CRISPLD2: variants seen among roughly 807,000 people sequenced by gnomAD.
CRISPLD2 encodes cysteine rich secretory protein LCCL domain containing 2.
Under a neutral mutation model 71.1 loss-of-function variants are expected in CRISPLD2, and 47 were observed. The observed-to-expected ratio is 0.66, with a 90% CI of 0.52 to 0.84. The LOEUF (loss-of-function observed/expected upper bound fraction) is 0.84, where lower values mean the gene tolerates loss of function less well. Among genes scored for constraint, CRISPLD2 ranks in the 40% least tolerant of loss-of-function variants. CRISPLD2 has a pLI of 0.00. For missense variants in CRISPLD2, 830 were observed against 651.1 expected, an observed-to-expected ratio of 1.27 and a Z score of -2.99; for synonymous variants, 317 against 250.1, an observed-to-expected ratio of 1.27 and a Z score of -2.52.
chr16:84,866,042 C>G (rs1397291117), intron 6 of CRISPLD2, among the ~76,000 whole-genome samples: 1 of 152,110 alleles, frequency 6.6e-6, no homozygotes, highest in Admixed American at 6.5e-5. Context: ...GTGACCCTGA[C>G]TGGCAGGAGG....
At chr16:84,862,642 A>G (rs935106404) in intron 6 of CRISPLD2, among the ~76,000 whole-genome samples, 7 of 142,652 alleles carry the variant, frequency 4.9e-5, no homozygotes, top group Admixed American at 7.1e-5. Context: ...TGGCTGGTCC[A>G]TGGTGCTGAC....
At chr16:84,900,971 G>A (rs1035213805) in intron 14 of CRISPLD2, among the ~76,000 whole-genome samples, 20 of 150,822 alleles carry the variant, frequency 1.3e-4, no homozygotes, top group African/African-American at 4.9e-4. Context: ...TATGACTTGA[G>A]CCCAGGAGGT....
Position 84,877,435 on chromosome 16 carries a change from C to A in CRISPLD2, c.1157-3C>A. 1 of 1,613,488 alleles carries A rather than the reference C, an allele frequency of 6.2e-7. No homozygotes were observed. Among genetic ancestry groups the A allele is most frequent in the South Asian group, 1.1e-5 (1 of 91,064 alleles). ...ACCCTTTCCCCCTTGCTCCTGTTCA[C>A]AGTGCAGGATTTGGACTGCTACACG... On this transcript the variant is annotated splice_region_variant and splice_polypyrimidine_tract_variant and intron_variant, in intron 11 of 14. Transcript: ENST00000262424.
chr16:84,850,810 T>C, intron 5 of CRISPLD2, 127 bp downstream of exon 5: 1 of 709,802 alleles, frequency 1.4e-6, no homozygotes. Context: ...AATCTAGAGT[T>C]TAGTGCATCT....
At chr16:84,889,055 C>T (rs759314078) in intron 13 of CRISPLD2, among the ~76,000 whole-genome samples, 175 bp from the exon 14 acceptor site, 1 of 152,182 alleles carries the variant, frequency 6.6e-6, no homozygotes, top group Non-Finnish European at 1.5e-5. Flanking sequence ...GCATGATGTC[C>T]AGTCTCTCTG....
intron 1 of CRISPLD2, among the ~76,000 whole-genome samples, chr16:84,821,910 A>C (rs1874014): frequency 0.42 from 63,972 of 152,058 alleles, 13,800 homozygotes; most frequent in Middle Eastern, 0.51. Context: ...TGAGGCTCAG[A>C]ATTATTAAGG....
intron 14 of CRISPLD2, among the ~76,000 whole-genome samples, chr16:84,904,392 T>C (rs547491219): frequency 5.3e-5 from 8 of 152,168 alleles, no homozygotes; most frequent in South Asian, 2.1e-4. Flanking sequence ...CAGAGCAGCC[T>C]GGCCAACATG....
At chr16:84,854,622 C>A in intron 5 of CRISPLD2, 107 bp from the exon 6 acceptor site, 1 of 784,444 alleles carries the variant, frequency 1.3e-6, no homozygotes, top group Non-Finnish European at 2.3e-6. Flanking sequence ...TCCCCCCTGA[C>A]CTGTCAGTGG....
chr16:84,862,124 CCTGA>C (rs1322695236), intron 6 of CRISPLD2, among the ~76,000 whole-genome samples: 1 of 152,170 alleles, frequency 6.6e-6, no homozygotes, highest in Non-Finnish European at 1.5e-5. Context: ...CTGGTGCTCC[CCTGA>C]CTGTGCTAGA....
intron 14 of CRISPLD2, among the ~76,000 whole-genome samples, chr16:84,896,375 A>T (rs1290950946): frequency 6.6e-6 from 1 of 152,032 alleles, no homozygotes; most frequent in Non-Finnish European, 1.5e-5. Context: ...AAAAAAAAAG[A>T]CTATATATAG....
At chr16:84,844,500 C>T (rs2143193825) in intron 2 of CRISPLD2, among the ~76,000 whole-genome samples, 1 of 151,230 alleles carries the variant, frequency 6.6e-6, no homozygotes, top group South Asian at 2.1e-4. Context: ...TTTTTTGAGA[C>T]AGAGTCTTAC....
At chr16:84,823,865 C>A (rs1182688554) in intron 1 of CRISPLD2, among the ~76,000 whole-genome samples, 2 of 152,154 alleles carry the variant, frequency 1.3e-5, no homozygotes, top group African/African-American at 4.8e-5. Flanking sequence ...ATCCCAATTT[C>A]TGGAACGTGT....
chr16:84,884,632 G>A (rs972075381), intron 13 of CRISPLD2, among the ~76,000 whole-genome samples: 4 of 152,142 alleles, frequency 2.6e-5, no homozygotes, highest in Non-Finnish European at 5.9e-5. Flanking sequence ...GAGGTGTGGA[G>A]GAAGGAAGAA....
At chr16:84,846,183 TTTCC>T (rs200835730) in intron 3 of CRISPLD2, 22 of 288,414 alleles carry the variant, frequency 7.6e-5, no homozygotes, top group South Asian at 2.1e-4. Flanking sequence ...TCCTTCTTCC[TTTCC>T]TTCCTTCCTT....
At chr16:84,831,706 T>C (rs1916493243) in intron 1 of CRISPLD2, among the ~76,000 whole-genome samples, 1 of 152,154 alleles carries the variant, frequency 6.6e-6, no homozygotes, top group African/African-American at 2.4e-5. Context: ...GCACCTGGCC[T>C]AATAGGATTT....
chr16:84,848,355 A>G (rs1359038481), intron 3 of CRISPLD2, among the ~76,000 whole-genome samples: 2 of 151,874 alleles, frequency 1.3e-5, no homozygotes, highest in African/African-American at 2.4e-5. Context: ...AAAAATGGTC[A>G]TTTCCCCCGT....
intron 6 of CRISPLD2, 27 bp downstream of exon 6, chr16:84,854,856 G>A (rs763864865): frequency 7.0e-6 from 11 of 1,567,480 alleles, no homozygotes; most frequent in Non-Finnish European, 9.7e-6. Context: ...CAACACTTTT[G>A]CAATGAATTT....
chr16:84,863,957 C>CAAAAAAA (rs781013604), intron 6 of CRISPLD2, among the ~76,000 whole-genome samples: 34 of 80,814 alleles, frequency 4.2e-4, no homozygotes, highest in African/African-American at 1.2e-3. Context: ...AACTTCCTCT[C>CAAAAAAA]AAAAAAAAAA....
At chr16:84,867,895 GTTCAGCTCCCC>G (rs1446682534) in intron 7 of CRISPLD2, among the ~76,000 whole-genome samples, 14 of 152,316 alleles carry the variant, frequency 9.2e-5, no homozygotes, top group African/African-American at 3.4e-4. Context: ...CCAGGGTGGA[GTTCAGCTCCCC>G]TTCAGCTCCC....
Sources: gnomAD v4.1 joint callset for allele counts (sites outside exome capture counted in the v4.1 genomes callset) on GRCh38, gnomAD v4.1.1 for gene constraint, MANE v1.5 for transcripts, NCBI Gene and HGNC (gene_info 2026-07-23, HGNC 2026-07-21) for gene names.